The following RXRB variants were observed in gnomAD, a reference collection of about 807,000 sequenced individuals.
RXRB encodes the protein retinoid X receptor beta, also known as retinoic acid receptor RXR-beta.
Under a neutral mutation model 52.5 loss-of-function variants are expected in RXRB, and 18 were observed. That is an observed-to-expected ratio of 0.34 (90% CI 0.24 to 0.51). The LOEUF is 0.51. Ranked by LOEUF, RXRB falls within the 20% of genes least tolerant of loss-of-function variation. The pLI is 0.97. For synonymous variants in RXRB, 233 were observed against 267.1 expected (o/e 0.87, Z 1.25); for missense variants, 455 against 698.2 (o/e 0.65, Z 3.92).
At position 33,197,384 on chromosome 6, in the gene RXRB, A is replaced by ACCTCAGGGCTTCCCTTCCTTCTTCT. The variant is rs1773992118; in HGVS notation, c.820+377_820+378insAGAAGAAGGAAGGGAAGCCCTGAGG. ...CTTCAGTAAAGTCTGTAAGCTTAAGAGTGCCCAGTCCCAGGAGTTAGAGGA... is the reference window on the plus strand; with the variant it reads ...CTTCAGTAAAGTCTGTAAGCTTAAGACCTCAGGGCTTCCCTTCCTTCTTCTGTGCCCAGTCCCAGGAGTTAGAGGA... On this transcript the variant is annotated intron_variant, in intron 4 of 9. Coordinates refer to ENST00000374680, the MANE Select transcript of RXRB (RefSeq NM_021976.5). This position sits in a 1 kb window ranked among gnomAD's most constrained non-coding sequence, Gnocchi z 4.4. 1.3e-5 allele frequency among the ~76,000 whole-genome samples: 2 copies of ACCTCAGGGCTTCCCTTCCTTCTTCT among 152,224 alleles called. No individual in the cohort carries two copies. The highest frequency in any genetic ancestry group is 4.8e-5 in the African/African-American group (2 of 41,462).
Position 33,195,732 on chromosome 6 carries a change from G to C in RXRB, c.1124-30C>G, listed in dbSNP as rs772299891. 3.1e-6 allele frequency: 5 copies of C among 1,608,764 alleles called. No homozygotes were observed. Among genetic ancestry groups the C allele is most frequent in the Non-Finnish European group, 4.2e-6 (5 of 1,179,368 alleles). ...GTGGGGCAGCAAGGGTCAGGAGCCA[G>C]AAATCAGGCCAAGGGATTCAAAGCA... is the stretch of plus-strand genomic sequence containing the variant. On this transcript the variant is annotated intron_variant, in intron 6 of 9. Transcript: ENST00000374680. This position sits in a 1 kb window ranked among gnomAD's most constrained non-coding sequence, Gnocchi z 8.6.
At position 33,194,340 on chromosome 6, in the gene RXRB, G is replaced by A. The variant is rs554818490; in HGVS notation, c.*342C>T. ...CCACTCTTCAGATGGGAAGCAAAAT[G>A]AGGCAAGATGAGAAGGAAGCAAGGT... On this transcript the variant is annotated 3_prime_UTR_variant, in exon 10 of 10. Transcript: ENST00000374680. The surrounding 1 kb of genome is among the most constrained non-coding windows in gnomAD (Gnocchi z 4.1). 8.3e-6 allele frequency: 2 copies of A among 239,828 alleles called. No individual in the cohort carries two copies. Among genetic ancestry groups the A allele is most frequent in the East Asian group, 1.6e-4 (2 of 12,278 alleles). The allele number at this position is 239,828 out of a possible 1,614,324, so 14.9% of individuals were successfully genotyped here. A position where few individuals can be genotyped will look rare whatever the true frequency, so the allele number is the denominator to read the frequency against.
chr6:33,195,667 G>C lies in RXRB; in HGVS notation c.1159C>G (p.Arg387Gly). ...ATGCCATCTCGAACATCAATGGATC[G>C]GTGTGAGAAGGAGGCAATGAGGAGT... is the stretch of plus-strand genomic sequence containing the variant. ...NELLIASFSH[R>G]SIDVRDGILL... Residue 387 changes from arginine (R) to glycine (G), a missense_variant, in exon 7 of 10, where the codon CGA becomes GGA. Around this residue, in one of 4 missense-constraint regions of RXRB, gnomAD observed 115 missense variants for 253.1 expected, o/e 0.45. Transcript: ENST00000374680. The surrounding 1 kb of genome is among the most constrained non-coding windows in gnomAD (Gnocchi z 8.6). The C allele has an allele frequency of 6.2e-7, 1 of 1,612,932 alleles. No individual in the cohort carries two copies. Among genetic ancestry groups the C allele is most frequent in the African/African-American group, 1.3e-5 (1 of 75,038 alleles).
chr6:33,195,185 C>T lies in RXRB; in HGVS notation c.1349-135G>A, dbSNP rs943090291. On this transcript the variant is annotated intron_variant, in intron 8 of 9. Coordinates refer to ENST00000374680, the MANE Select transcript of RXRB (RefSeq NM_021976.5). This position sits in a 1 kb window ranked among gnomAD's most constrained non-coding sequence, Gnocchi z 8.6. ...TTTACCAGAGGCCTGGCAAGGGAAG[C>T]AGGGCCCACTGGGTTTGTGGGATGG... 1.0e-5 allele frequency: 8 copies of T among 786,338 alleles called. No individual in the cohort carries two copies. Among genetic ancestry groups the T allele is most frequent in the African/African-American group, 6.8e-5 (4 of 58,996 alleles). The allele number at this position is 786,338 out of a possible 1,614,324, so 48.7% of individuals were successfully genotyped here.
Position 33,194,909 on chromosome 6 carries a change from C to G in RXRB, c.1454+36G>C. 5 of 1,610,548 alleles carry G rather than the reference C, an allele frequency of 3.1e-6. No individual in the cohort carries two copies. The highest frequency in any genetic ancestry group is 2.2e-5 in the East Asian group (1 of 44,856). ...CACATCCTCATAGCACTCCCCACCC[C>G]CAAGGGAGCCTCAGTGCCCCCCAGC... On this transcript the variant is annotated intron_variant, in intron 9 of 9. Transcript: ENST00000374680. The surrounding 1 kb of genome is among the most constrained non-coding windows in gnomAD (Gnocchi z 4.1).
chr6:33,196,667 A>G lies in RXRB; in HGVS notation c.821-61T>C, dbSNP rs1171419226. 1 of 1,415,644 alleles carries G rather than the reference A, an allele frequency of 7.1e-7. No individual in the cohort carries two copies. Among genetic ancestry groups the G allele is most frequent in the African/African-American group, 1.4e-5 (1 of 69,816 alleles). 87.7% of individuals were successfully genotyped at this position (1,415,644 alleles called of 1,614,324 possible). On this transcript the variant is annotated intron_variant, in intron 4 of 9. Coordinates refer to ENST00000374680, the MANE Select transcript of RXRB (RefSeq NM_021976.5). The surrounding 1 kb of genome is among the most constrained non-coding windows in gnomAD (Gnocchi z 4.0). ...CAGCAGCCAGCCATGAAGGGGTTCC[A>G]CAAATATCCTTACGGCCTCATCAGG... is the stretch of plus-strand genomic sequence containing the variant.
Position 33,194,676 on chromosome 6 carries a change from C to G in RXRB, c.*6G>C. 6.2e-7 allele frequency: 1 copy of G among 1,612,404 alleles called. No homozygotes were observed. The highest frequency in any genetic ancestry group is 8.5e-7 in the Non-Finnish European group (1 of 1,179,612). On this transcript the variant is annotated 3_prime_UTR_variant, in exon 10 of 10. Transcript: ENST00000374680. The surrounding 1 kb of genome is among the most constrained non-coding windows in gnomAD (Gnocchi z 4.1). The stretch of plus-strand genomic sequence containing the variant: ...AGTGTGAGAAGCACCACGTCTGGGT[C>G]TGAGCTCAGGCCAGTTGATGGGGAG...
Position 33,199,212 on chromosome 6 carries a change from G to A in RXRB, c.440C>T (p.Pro147Leu). ...CCCGGAGAATCCTGGGGGAGCTGGA[G>A]GGGGCAGACCAGGGGACCCCATGGA... ...SSSMGSPGLP[P>L]PAPPGFSGPV... Residue 147 changes from proline to leucine, a missense_variant, in exon 2 of 10, where the codon CCT (proline) becomes CTT (leucine). Physicochemically the swap from Pro to Leu is moderately conservative, Grantham distance 98 (BLOSUM62 -3). Coordinates refer to ENST00000374680, the MANE Select transcript of RXRB (RefSeq NM_021976.5). 7.8e-7 allele frequency: 1 copy of A among 1,290,008 alleles called. No individual in the cohort carries two copies. Among genetic ancestry groups the A allele is most frequent in the Non-Finnish European group, 9.9e-7 (1 of 1,011,736 alleles). The allele number at this position is 1,290,008 out of a possible 1,614,324, so 79.9% of individuals were successfully genotyped here.
Position 33,194,266 on chromosome 6 carries a change from C to T in RXRB, c.*416G>A, listed in dbSNP as rs1022042516. The T allele has an allele frequency of 6.1e-6, 1 of 163,326 alleles. No homozygotes were observed. The highest frequency in any genetic ancestry group is 2.4e-5 in the African/African-American group (1 of 41,792). 10.1% of individuals were successfully genotyped at this position (163,326 alleles called of 1,614,324 possible). ...AGGGCCCTACTCTCATGTCCATCAG[C>T]TTGGGAGGCCTGCCCCCCAGTATCC... On this transcript the variant is annotated 3_prime_UTR_variant, in exon 10 of 10. Transcript: ENST00000374680. The surrounding 1 kb of genome is among the most constrained non-coding windows in gnomAD (Gnocchi z 4.1).
Position 33,200,150 on chromosome 6 carries a change from G to C in RXRB, c.235+92C>G, listed in dbSNP as rs1774355153. 1.3e-6 allele frequency: 2 copies of C among 1,511,236 alleles called. No individual in the cohort carries two copies. The highest frequency in any genetic ancestry group is 2.3e-5 in the East Asian group (1 of 43,910). 93.6% of individuals were successfully genotyped at this position (1,511,236 alleles called of 1,614,324 possible). A position where few individuals can be genotyped will look rare whatever the true frequency, so the allele number is the denominator to read the frequency against. ...CGTGTTTACAAACAAGGGGGCGGGA[G>C]CGCAAGGAAAAGAGCACCGGGGGAG... On this transcript the variant is annotated intron_variant, in intron 1 of 9. Transcript: ENST00000374680. The surrounding 1 kb of genome is among the most constrained non-coding windows in gnomAD (Gnocchi z 6.3).
chr6:33,198,913 CAAAAAAAA>C (rs9280361), intron 2 of RXRB, among the ~76,000 whole-genome samples: 1 of 74,126 alleles, frequency 1.3e-5, no homozygotes, highest in African/African-American at 5.0e-5. Flanking sequence ...GACTCCATCT[CAAAAAAAA>C]AAAAAAAAAA....
Position 33,195,011 on chromosome 6 carries a change from A to G in RXRB, c.1388T>C (p.Leu463Pro). The change falls in exon 9 of 10, where the codon CTG (leucine) becomes CCG (proline). Residue 463 changes from leucine (L) to proline (P), a missense_variant. Physicochemically the swap from Leu to Pro is moderately conservative, Grantham distance 98. Transcript: ENST00000374680. This position sits in a 1 kb window ranked among gnomAD's most constrained non-coding sequence, Gnocchi z 8.6. ...GLSNPSEVEV[L>P]REKVYASLET... Reference sequence around the variant, plus strand: ...CAGTGATGCATACACTTTCTCCCGCAGGACCTCCACCTCACTAGGGTTGGA... The same window carrying G: ...CAGTGATGCATACACTTTCTCCCGCGGGACCTCCACCTCACTAGGGTTGGA... The G allele has an allele frequency of 6.2e-7, 1 of 1,612,858 alleles. No individual in the cohort carries two copies. Among genetic ancestry groups the G allele is most frequent in the Non-Finnish European group, 8.5e-7 (1 of 1,179,968 alleles).
chr6:33,198,511 C>T (rs1260817413), intron 2 of RXRB, 47 bp from the exon 3 acceptor site: 1 of 1,530,502 alleles, frequency 6.5e-7, no homozygotes, highest in Non-Finnish European at 9.0e-7. Context: ...TATTGGGAAG[C>T]AGAATGTCAC....
Position 33,197,661 on chromosome 6 carries a change from A to T in RXRB, c.820+101T>A, listed in dbSNP as rs1457165069. ...AGAGAAATCAAATATCGCCCTCTAG[A>T]GGAGAGAGAGCAGTCCACCCTTCCA... On this transcript the variant is annotated intron_variant, in intron 4 of 9. Coordinates refer to ENST00000374680, the MANE Select transcript of RXRB (RefSeq NM_021976.5). This position sits in a 1 kb window ranked among gnomAD's most constrained non-coding sequence, Gnocchi z 4.4. 1.9e-6 allele frequency: 2 copies of T among 1,062,162 alleles called. No homozygotes were observed. The highest frequency in any genetic ancestry group is 2.8e-6 in the Non-Finnish European group (2 of 726,286). The allele number at this position is 1,062,162 out of a possible 1,614,324, so 65.8% of individuals were successfully genotyped here.
At position 33,195,561 on chromosome 6, in the gene RXRB, G is replaced by A; in HGVS notation, c.1256+9C>T. The A allele has an allele frequency of 6.2e-7, 1 of 1,613,098 alleles. No homozygotes were observed. Among genetic ancestry groups the A allele is most frequent in the Non-Finnish European group, 8.5e-7 (1 of 1,180,036 alleles). ...TATCTACATGCCAGCCTAGCCGAGG[G>A]CCACTGACCGATCAAAGATGGCTCC... On this transcript the variant is annotated intron_variant, in intron 7 of 9. Transcript: ENST00000374680. This position sits in a 1 kb window ranked among gnomAD's most constrained non-coding sequence, Gnocchi z 8.6.
In RXRB at chr6:33,194,926, C is replaced by A. The variant is rs369181118; in HGVS notation, c.1454+19G>T. ...CCCCACCCCCAAGGGAGCCTCAGTG[C>A]CCCCCAGCCCCATCTCACCGTCCCT... On this transcript the variant is annotated intron_variant, in intron 9 of 9. Transcript: ENST00000374680. This position sits in a 1 kb window ranked among gnomAD's most constrained non-coding sequence, Gnocchi z 4.1. The A allele has an allele frequency of 6.2e-7, 1 of 1,608,968 alleles. No homozygotes were observed. The highest frequency in any genetic ancestry group is 8.5e-7 in the Non-Finnish European group (1 of 1,176,714).
rs750543499 is a variant in RXRB at position 33,199,896 on chromosome 6, T to C, written c.235+346A>G. ...CCTCTATTCCCAGCGTAAAGCCAGG[T>C]AGCCAGAGCGTGCAAGGGAAAGAGA... is the stretch of plus-strand genomic sequence containing the variant. On this transcript the variant is annotated intron_variant, in intron 1 of 9. Transcript: ENST00000374680. 15 of 666,768 alleles carry C rather than the reference T, an allele frequency of 2.2e-5. No individual in the cohort carries two copies. In the East Asian group the frequency reaches 4.7e-4, roughly 21 times the overall value. The allele number at this position is 666,768 out of a possible 1,614,324, so 41.3% of individuals were successfully genotyped here.
In RXRB at chr6:33,193,660, A is replaced by T. The variant is rs919331175; in HGVS notation, c.*1022T>A. The T allele has an allele frequency of 4.6e-5, 7 of 152,168 alleles. No homozygotes were observed. Among genetic ancestry groups the T allele is most frequent in the African/African-American group, 1.7e-4 (7 of 41,420 alleles). The allele number at this position is 152,168 out of a possible 1,614,324, so 9.4% of individuals were successfully genotyped here. On this transcript the variant is annotated 3_prime_UTR_variant, in exon 10 of 10. Transcript: ENST00000374680. ...GGGAAAGGAGCCCCAAAGAGAAGGG[A>T]CGCAGGGCAAAAATCATGCAGCCCC... is the stretch of plus-strand genomic sequence containing the variant.
In RXRB at chr6:33,200,347, C is replaced by G; in HGVS notation, c.130G>C (p.Asp44His). 2 of 1,576,450 alleles carry G rather than the reference C, an allele frequency of 1.3e-6. No homozygotes were observed. The highest frequency in any genetic ancestry group is 1.7e-6 in the Non-Finnish European group (2 of 1,163,996). ...GCCGCCGCCGCCGCCGCTGCGGGAT[C>G]CAGCCAGGGCCGTCGCCGCCGCCAC... ...SRWRRRRPWL[D>H]PAAAAAAAVA... The change falls in exon 1 of 10, where the codon GAT (aspartate) becomes CAT (histidine). Residue 44 changes from aspartate (D) to histidine (H), a missense_variant. Asp to His is a moderately conservative substitution (Grantham distance 81). Coordinates refer to ENST00000374680, the MANE Select transcript of RXRB (RefSeq NM_021976.5). This position sits in a 1 kb window ranked among gnomAD's most constrained non-coding sequence, Gnocchi z 6.3.
Sources: gnomAD v4.1 joint callset for allele counts (sites outside exome capture counted in the v4.1 genomes callset) on GRCh38, gnomAD v4.1.1 for gene constraint, gnomAD v4.1.1 regional missense constraint, Gnocchi (gnomAD v3.1) non-coding constraint, MANE v1.5 for transcripts, NCBI Gene and HGNC (gene_info 2026-07-23, HGNC 2026-07-21) for gene names.